The following SLMAP variants were observed in gnomAD, a reference collection of about 807,000 sequenced individuals.
SLMAP encodes the protein sarcolemmal membrane-associated protein.
SLMAP carries 44 observed loss-of-function variants against 128.8 expected under a neutral mutation model. The ratio of observed to expected loss-of-function variants is 0.34; its 90% CI spans 0.27 to 0.44. SLMAP has a LOEUF of 0.44. Ranked by LOEUF, SLMAP falls within the 20% of genes least tolerant of loss-of-function variation. SLMAP has a pLI of 1.00. For synonymous variants in SLMAP, 327 were observed against 348.8 expected (o/e 0.94, Z 0.70); for missense variants, 787 against 985.3 (o/e 0.80, Z 2.69).
chr3:57,839,660 G>A (rs1432335144), intron 3 of SLMAP, among the ~76,000 whole-genome samples: 4 of 151,828 alleles, frequency 2.6e-5, no homozygotes, highest in Non-Finnish European at 4.4e-5. Context: ...CTGGAGTGCA[G>A]TGGCGTGATC....
intron 2 of SLMAP, among the ~76,000 whole-genome samples, chr3:57,787,065 G>A (rs1031384647): frequency 5.3e-5 from 8 of 152,122 alleles, no homozygotes; most frequent in Non-Finnish European, 1.0e-4. Context: ...GAGCCATCAA[G>A]TAAAAATGCA....
At chr3:57,799,862 C>A (rs1370466014) in intron 2 of SLMAP, among the ~76,000 whole-genome samples, 2 of 152,090 alleles carry the variant, frequency 1.3e-5, no homozygotes, top group Non-Finnish European at 2.9e-5. Flanking sequence ...TTACAGTTGA[C>A]CATGGATGTT....
At chr3:57,830,799 T>A (rs75330663) in intron 2 of SLMAP, among the ~76,000 whole-genome samples, 1 of 152,384 alleles carries the variant, frequency 6.6e-6, no homozygotes, top group Non-Finnish European at 1.5e-5. Context: ...CTATTCTGGA[T>A]GTTTCATATA....
At chr3:57,917,168 G>A in intron 22 of SLMAP, 91 bp downstream of exon 22, 3 of 1,580,708 alleles carry the variant, frequency 1.9e-6, no homozygotes, top group Non-Finnish European at 2.6e-6. Context: ...ATAAAGGGAA[G>A]CAGAAGTCAC....
At chr3:57,923,187 G>T (rs775579066) in intron 23 of SLMAP, among the ~76,000 whole-genome samples, 164 bp downstream of exon 23, 1 of 152,130 alleles carries the variant, frequency 6.6e-6, no homozygotes, top group Admixed American at 6.5e-5. Context: ...TCAGATTTTT[G>T]AGTAAGAATT....
At chr3:57,882,725 G>A (rs551413653) in intron 14 of SLMAP, among the ~76,000 whole-genome samples, 2 of 152,300 alleles carry the variant, frequency 1.3e-5, no homozygotes, top group South Asian at 4.1e-4. Flanking sequence ...CCCTGGGATA[G>A]ATCTCAAGGG....
intron 13 of SLMAP, among the ~76,000 whole-genome samples, chr3:57,868,160 C>G (rs1201809577): frequency 2.0e-5 from 3 of 152,132 alleles, no homozygotes; most frequent in South Asian, 4.1e-4. Context: ...CCTCAGGAGG[C>G]TAGATGGGAG....
At chr3:57,835,116 T>G (rs1425747492) in intron 3 of SLMAP, among the ~76,000 whole-genome samples, 1 of 79,620 alleles carries the variant, frequency 1.3e-5, no homozygotes, top group Non-Finnish European at 2.2e-5. Flanking sequence ...AGCCAGACCC[T>G]GTCTCAAAAA....
At chr3:57,922,835 A>G in intron 22 of SLMAP, 54 bp from the exon 23 acceptor site, 1 of 1,548,450 alleles carries the variant, frequency 6.5e-7, no homozygotes, top group Non-Finnish European at 8.8e-7. Flanking sequence ...TAGAACCATA[A>G]CATCATACCC....
At chr3:57,845,613 G>A (rs6767400) in intron 4 of SLMAP, among the ~76,000 whole-genome samples, 47,338 of 151,840 alleles carry the variant, frequency 0.31, 7,744 homozygotes, top group East Asian at 0.47. Flanking sequence ...GCTGGTAGAG[G>A]TCATGCGTGG....
chr3:57,852,082 T>C (rs769549258), intron 6 of SLMAP, among the ~76,000 whole-genome samples: 13 of 152,074 alleles, frequency 8.5e-5, no homozygotes, highest in Admixed American at 2.0e-4. Flanking sequence ...GGCTAATTTT[T>C]TGTATTTTTA....
intron 2 of SLMAP, among the ~76,000 whole-genome samples, chr3:57,761,443 C>G (rs2078617589): frequency 6.6e-6 from 1 of 151,784 alleles, no homozygotes; most frequent in Non-Finnish European, 1.5e-5. Context: ...TACAGGCATT[C>G]ATCACCATGC....
intron 2 of SLMAP, among the ~76,000 whole-genome samples, chr3:57,807,120 T>A (rs2090043075): frequency 1.3e-5 from 2 of 152,234 alleles, no homozygotes; most frequent in Non-Finnish European, 2.9e-5. Context: ...TGATCAGTGA[T>A]GTTGAGCTTT....
intron 14 of SLMAP, among the ~76,000 whole-genome samples, chr3:57,887,422 G>T (rs1445798868): frequency 6.6e-6 from 1 of 152,102 alleles, no homozygotes; most frequent in African/African-American, 2.4e-5. Context: ...ATGTTGGTCA[G>T]GCTGGTCTCG....
chr3:57,766,905 T>C (rs1373161823), intron 2 of SLMAP, among the ~76,000 whole-genome samples: 4 of 148,174 alleles, frequency 2.7e-5, no homozygotes, highest in Non-Finnish European at 5.9e-5. Context: ...TCTTTATTTC[T>C]TTTTTTTAAA....
intron 2 of SLMAP, among the ~76,000 whole-genome samples, chr3:57,818,808 T>C (rs1424851178): frequency 6.6e-6 from 1 of 152,208 alleles, no homozygotes; most frequent in Non-Finnish European, 1.5e-5. Flanking sequence ...TAGGGAAAAA[T>C]GTCTAGGGAC....
intron 15 of SLMAP, among the ~76,000 whole-genome samples, chr3:57,895,052 A>G (rs1311045428): frequency 6.6e-6 from 1 of 151,892 alleles, no homozygotes; most frequent in Non-Finnish European, 1.5e-5. Context: ...AGCACTTGGG[A>G]GGCTGAGGTG....
Position 57,841,355 on chromosome 3 carries a change from G to A in SLMAP, c.403G>A (p.Ala135Thr). ...ACTTTTTCTACCAGATGGTATGGAA[G>A]CCCGGCTCCGCTCAGAGTGAGTATA... Reference protein sequence around the residue: ...IKLFLPDGMEARLRSDVIHAP... With the variant: ...IKLFLPDGMETRLRSDVIHAP... Residue 135 changes from alanine (A) to threonine (T), a missense_variant, in exon 4 of 25, where the codon GCC becomes ACC. Physicochemically the swap from Ala to Thr is moderately conservative, Grantham distance 58. Around this residue, in one of 2 missense-constraint regions of SLMAP, gnomAD observed 715 missense variants for 843.6 expected, o/e 0.85. Coordinates refer to ENST00000671191, the MANE Select transcript of SLMAP (RefSeq NM_001377540.1). 1 of 1,607,448 alleles carries A rather than the reference G, an allele frequency of 6.2e-7. No homozygotes were observed. The highest frequency in any genetic ancestry group is 8.5e-7 in the Non-Finnish European group (1 of 1,175,136).
At chr3:57,796,349 T>C (rs2086731939) in intron 2 of SLMAP, among the ~76,000 whole-genome samples, 1 of 152,156 alleles carries the variant, frequency 6.6e-6, no homozygotes, top group African/African-American at 2.4e-5. Flanking sequence ...CATGATGTGG[T>C]TGAAAGAGTG....
Sources: gnomAD v4.1 joint callset for allele counts (sites outside exome capture counted in the v4.1 genomes callset) on GRCh38, gnomAD v4.1.1 for gene constraint, gnomAD v4.1.1 regional missense constraint, MANE v1.5 for transcripts, NCBI Gene and HGNC (gene_info 2026-07-23, HGNC 2026-07-21) for gene names.